Variants in PLGRKT observed in about 807,000 individuals in gnomAD.
PLGRKT encodes the protein plasminogen receptor with a C-terminal lysine.
Under a neutral mutation model 18.5 loss-of-function variants are expected in PLGRKT, and 22 were observed. That is an observed-to-expected ratio of 1.19 (90% CI 0.85 to 1.70). The LOEUF (loss-of-function observed/expected upper bound fraction) is 1.70, where lower values mean the gene tolerates loss of function less well. PLGRKT is among the 40% of genes most tolerant of loss of function. The pLI is 0.00. For missense variants in PLGRKT, 235 were observed against 174.4 expected, an observed-to-expected ratio of 1.35 and a Z score of -1.96; for synonymous variants, 72 against 52.8, an observed-to-expected ratio of 1.36 and a Z score of -1.58.
chr9:5,391,985 T>G (rs1043150694), intron 3 of PLGRKT, among the ~76,000 whole-genome samples: 1 of 151,866 alleles, frequency 6.6e-6, no homozygotes, highest in Admixed American at 6.6e-5. Context: ...AGAGGAGAAG[T>G]TGGTCTGGCC....
At chr9:5,388,319 GT>G (rs1176466679) in intron 3 of PLGRKT, among the ~76,000 whole-genome samples, 3 of 152,022 alleles carry the variant, frequency 2.0e-5, no homozygotes, top group African/African-American at 4.8e-5. Flanking sequence ...GAGATCAACT[GT>G]GTCAAAAGTT....
rs58995972 is a variant in PLGRKT at position 5,424,692 on chromosome 9, A to ATATATATATATATATACACATACC, written c.81+7204_81+7205insGGTATGTGTATATATATATATATA. Among the ~76,000 whole-genome samples the ATATATATATATATATACACATACC allele has an allele frequency of 2.8e-5, 2 of 70,624 alleles. 1 individual carries two copies. Among genetic ancestry groups the ATATATATATATATATACACATACC allele is most frequent in the African/African-American group, 1.2e-4 (2 of 16,112 alleles). 46.3% of individuals were successfully genotyped at this position (70,624 alleles called of 152,430 possible). On this transcript the variant is annotated intron_variant, in intron 3 of 5. Transcript: ENST00000223864. ...TTTATATATATATATATATATATAT[A>ATATATATATATATATACACATACC]CACACAGGGGGGGGAGAGAGGGAGA...
intron 3 of PLGRKT, among the ~76,000 whole-genome samples, chr9:5,373,150 G>T (rs902506573): frequency 6.6e-6 from 1 of 152,062 alleles, no homozygotes; most frequent in Non-Finnish European, 1.5e-5. Context: ...GTTGATCTGG[G>T]GTATAGACTG....
At chr9:5,368,174 G>T (rs187177690) in intron 3 of PLGRKT, among the ~76,000 whole-genome samples, 82 of 152,282 alleles carry the variant, frequency 5.4e-4, no homozygotes, top group African/African-American at 1.8e-3. Flanking sequence ...GCAGTTTAGA[G>T]ATTTCTCAAA....
chr9:5,404,249 G>A (rs1400430983), intron 3 of PLGRKT, among the ~76,000 whole-genome samples: 1 of 152,082 alleles, frequency 6.6e-6, no homozygotes, highest in Non-Finnish European at 1.5e-5. Context: ...AATTGAAAAG[G>A]AGGGACCCCT....
intron 3 of PLGRKT, among the ~76,000 whole-genome samples, chr9:5,391,375 G>A (rs1817947018): frequency 6.6e-6 from 1 of 151,960 alleles, no homozygotes; most frequent in Admixed American, 6.6e-5. Flanking sequence ...TCATCCTGCT[G>A]CAATACTAAT....
intron 3 of PLGRKT, among the ~76,000 whole-genome samples, chr9:5,398,290 G>C (rs1489066464): frequency 6.6e-6 from 1 of 151,738 alleles, no homozygotes; most frequent in Non-Finnish European, 1.5e-5. Flanking sequence ...CCCAGTCATA[G>C]GACTGCAGCA....
intron 3 of PLGRKT, among the ~76,000 whole-genome samples, chr9:5,380,269 G>A (rs1390789795): frequency 6.6e-6 from 1 of 151,630 alleles, no homozygotes; most frequent in Non-Finnish European, 1.5e-5. Flanking sequence ...GGAGGCTGAG[G>A]CAGCAGAATG....
chr9:5,425,074 T>C (rs1192184787), intron 3 of PLGRKT, among the ~76,000 whole-genome samples: 2 of 152,162 alleles, frequency 1.3e-5, no homozygotes, highest in Non-Finnish European at 2.9e-5. Context: ...CAAATAAACA[T>C]CTATTTACTG....
In PLGRKT at chr9:5,358,244, T is replaced by A; in HGVS notation, c.439A>T (p.Lys147Ter). The A allele has an allele frequency of 6.2e-7, 1 of 1,607,944 alleles. No individual in the cohort carries two copies. Among genetic ancestry groups the A allele is most frequent in the Non-Finnish European group, 8.5e-7 (1 of 1,175,254 alleles). Residue 147 changes from lysine (K) to a stop codon, truncating the protein, a stop_gained, in exon 6 of 6, where the codon AAA becomes TAA. Coordinates refer to ENST00000223864, the MANE Select transcript of PLGRKT (RefSeq NM_018465.4). LOFTEE classifies it high-confidence loss of function. ...TTTGATTGGTAAGCATGATTTCATT[T>A]GTCTATGAAGAATCTACTCTGTTCC... ...RKEQSRFFID[K>*]
At chr9:5,373,944 C>A (rs1817578317) in intron 3 of PLGRKT, among the ~76,000 whole-genome samples, 1 of 152,128 alleles carries the variant, frequency 6.6e-6, no homozygotes, top group South Asian at 2.1e-4. Context: ...GAGCCTTTTC[C>A]AGAGAGGGTC....
At chr9:5,387,824 G>A (rs1817874020) in intron 3 of PLGRKT, among the ~76,000 whole-genome samples, 1 of 151,840 alleles carries the variant, frequency 6.6e-6, no homozygotes, top group Admixed American at 6.6e-5. Flanking sequence ...TTGCAGATGG[G>A]CAAGGGTAAC....
chr9:5,391,755 T>C (rs1817953471), intron 3 of PLGRKT, among the ~76,000 whole-genome samples: 1 of 151,932 alleles, frequency 6.6e-6, no homozygotes, highest in African/African-American at 2.4e-5. Flanking sequence ...CTTTGTCTAA[T>C]TTAGCTGTCC....
At chr9:5,385,336 A>G (rs758956823) in intron 3 of PLGRKT, among the ~76,000 whole-genome samples, 2 of 151,702 alleles carry the variant, frequency 1.3e-5, no homozygotes, top group African/African-American at 2.4e-5. Flanking sequence ...ATCTTGGTAT[A>G]TGTCTTTTAT....
intron 3 of PLGRKT, among the ~76,000 whole-genome samples, chr9:5,390,060 G>A (rs942802976): frequency 2.0e-5 from 3 of 151,718 alleles, no homozygotes; most frequent in Non-Finnish European, 4.4e-5. Flanking sequence ...ATCTAGTGGA[G>A]TCAAAGGAAC....
At chr9:5,423,798 G>T (rs1245723959) in intron 3 of PLGRKT, among the ~76,000 whole-genome samples, 2 of 147,940 alleles carry the variant, frequency 1.4e-5, no homozygotes, top group African/African-American at 5.1e-5. Context: ...ACCCCCCCAG[G>T]CTCAAGCAAT....
chr9:5,428,091 C>T (rs1036666660), intron 3 of PLGRKT, among the ~76,000 whole-genome samples: 4 of 152,048 alleles, frequency 2.6e-5, no homozygotes, highest in South Asian at 2.1e-4. Flanking sequence ...GGCGACGTGG[C>T]GATGGCTGCT....
chr9:5,402,299 A>C (rs1818169465), intron 3 of PLGRKT, among the ~76,000 whole-genome samples: 1 of 151,916 alleles, frequency 6.6e-6, no homozygotes, highest in South Asian at 2.1e-4. Context: ...GACAGGGTTT[A>C]AGGTAACCTC....
chr9:5,420,200 G>C (rs538293395), intron 3 of PLGRKT, among the ~76,000 whole-genome samples: 1 of 152,240 alleles, frequency 6.6e-6, no homozygotes, highest in South Asian at 2.1e-4. Context: ...AAGCAGATGA[G>C]TGGTTGCAGA....
Sources: allele counts gnomAD v4.1 joint callset (sites outside exome capture counted in the v4.1 genomes callset), GRCh38; gene constraint gnomAD v4.1.1; transcripts MANE v1.5; gene names NCBI Gene and HGNC (gene_info 2026-07-23, HGNC 2026-07-21).